Variants in ALG14 observed in about 807,000 individuals in gnomAD.
The protein encoded by ALG14 is UDP-N-acetylglucosamine transferase subunit ALG14.
ALG14 carries 17 observed loss-of-function variants against 22.8 expected under a neutral mutation model. The observed-to-expected ratio is 0.75, with a 90% confidence interval of 0.51 to 1.12. The LOEUF is 1.12. Among genes scored for constraint, ALG14 ranks in the 50% most tolerant of loss-of-function variants. The probability of loss-of-function intolerance (pLI) is 0.00; values close to 1 mark genes in which losing one functional copy is unlikely to be tolerated. For missense variants in ALG14, 288 were observed against 271.8 expected (o/e 1.06, Z -0.42); for synonymous variants, 89 against 103.7 (o/e 0.86, Z 0.86).
intron 2 of ALG14, among the ~76,000 whole-genome samples, chr1:95,035,354 A>C (rs982059937): frequency 4.1e-4 from 62 of 152,166 alleles, no homozygotes; most frequent in African/African-American, 1.4e-3. Flanking sequence ...GTATAGAAGA[A>C]AACATATTTT....
At chr1:95,027,442 C>T (rs949481490) in intron 2 of ALG14, among the ~76,000 whole-genome samples, 182 bp from the exon 3 acceptor site, 1 of 152,176 alleles carries the variant, frequency 6.6e-6, no homozygotes, top group African/African-American at 2.4e-5. Context: ...GATGGGATCA[C>T]ATATGACAAA....
At chr1:95,066,567 T>C (rs1294781144) in intron 1 of ALG14, among the ~76,000 whole-genome samples, 1 of 152,146 alleles carries the variant, frequency 6.6e-6, no homozygotes, top group African/African-American at 2.4e-5. Context: ...TCGTTCTAGA[T>C]CCCAGAAGGA....
intron 2 of ALG14, among the ~76,000 whole-genome samples, chr1:95,032,652 CTGCATCTAACAA>C (rs1164115849): frequency 6.6e-6 from 1 of 152,190 alleles, no homozygotes; most frequent in African/African-American, 2.4e-5. Context: ...GCATCCCCTT[CTGCATCTAACAA>C]TGCTTCAAAA....
chr1:94,985,621 C>T (rs2100712809), intron 3 of ALG14, among the ~76,000 whole-genome samples: 1 of 152,206 alleles, frequency 6.6e-6, no homozygotes, highest in African/African-American at 2.4e-5. Flanking sequence ...TAAAAAAATG[C>T]ACAAATCCAT....
At chr1:95,037,966 C>T (rs1674251951) in intron 2 of ALG14, among the ~76,000 whole-genome samples, 1 of 152,074 alleles carries the variant, frequency 6.6e-6, no homozygotes, top group Admixed American at 6.6e-5. Flanking sequence ...ATCAGGACAG[C>T]ACAGGAAAAG....
chr1:95,022,286 T>C, intron 3 of ALG14: 1 of 983,546 alleles, frequency 1.0e-6, no homozygotes, highest in African/African-American at 1.7e-5. Flanking sequence ...TTAAACTAAA[T>C]ACCTCATTTA....
At chr1:95,020,550 C>A (rs1360987214) in intron 3 of ALG14, among the ~76,000 whole-genome samples, 1 of 151,718 alleles carries the variant, frequency 6.6e-6, no homozygotes, top group African/African-American at 2.4e-5. Flanking sequence ...ACCAGCCTGA[C>A]CAACATGGAG....
At chr1:95,005,703 C>T (rs1273357851) in intron 3 of ALG14, among the ~76,000 whole-genome samples, 2 of 152,146 alleles carry the variant, frequency 1.3e-5, no homozygotes, top group African/African-American at 4.8e-5. Flanking sequence ...GGACCCCGTC[C>T]TCCTAGAGTT....
At chr1:94,988,534 G>A (rs1372964170) in intron 3 of ALG14, among the ~76,000 whole-genome samples, 2 of 152,158 alleles carry the variant, frequency 1.3e-5, no homozygotes, top group Non-Finnish European at 2.9e-5. Context: ...AGCATGCTGT[G>A]GGAGAGGGGA....
intron 3 of ALG14, among the ~76,000 whole-genome samples, chr1:95,015,694 C>T (rs1673479206): frequency 2.0e-5 from 3 of 152,288 alleles, no homozygotes; most frequent in African/African-American, 7.2e-5. Flanking sequence ...AATCCTGACA[C>T]ACTGTTTTTG....
At chr1:95,033,969 A>G (rs1468173331) in intron 2 of ALG14, among the ~76,000 whole-genome samples, 1 of 152,232 alleles carries the variant, frequency 6.6e-6, no homozygotes, top group East Asian at 1.9e-4. Flanking sequence ...AATGCCTTAC[A>G]GTTGCTCCCA....
chr1:95,042,657 T>G (rs1674419584), intron 2 of ALG14, among the ~76,000 whole-genome samples: 6 of 152,260 alleles, frequency 3.9e-5, no homozygotes, highest in African/African-American at 1.4e-4. Flanking sequence ...TGCTCCACTG[T>G]ACTTCTGAAA....
At chr1:94,998,009 C>G (rs1485985179) in intron 3 of ALG14, among the ~76,000 whole-genome samples, 1 of 152,032 alleles carries the variant, frequency 6.6e-6, no homozygotes. Flanking sequence ...CATTGAAGAG[C>G]CTTTTAAGGG....
chr1:95,045,240 T>C (rs1674509467), intron 2 of ALG14, among the ~76,000 whole-genome samples: 1 of 152,218 alleles, frequency 6.6e-6, no homozygotes, highest in South Asian at 2.1e-4. Context: ...TAGCATATAT[T>C]ACTTTATTTC....
chr1:95,031,589 T>C (rs897505981), intron 2 of ALG14, among the ~76,000 whole-genome samples: 1 of 152,178 alleles, frequency 6.6e-6, no homozygotes, highest in South Asian at 2.1e-4. Flanking sequence ...CCCCCCACCA[T>C]TGTAGCATAT....
intron 2 of ALG14, among the ~76,000 whole-genome samples, chr1:95,046,771 G>A (rs368545538): frequency 3.9e-5 from 6 of 152,192 alleles, no homozygotes; most frequent in African/African-American, 1.4e-4. Context: ...GATAGGAAAT[G>A]GTATAACAAT....
At chr1:94,993,995 G>A (rs1672846242) in intron 3 of ALG14, among the ~76,000 whole-genome samples, 2 of 152,178 alleles carry the variant, frequency 1.3e-5, no homozygotes, top group Non-Finnish European at 2.9e-5. Flanking sequence ...TGCCACACTA[G>A]GTTGGTATTT....
chr1:95,055,725 G>A (rs1352686463), intron 2 of ALG14, among the ~76,000 whole-genome samples: 1 of 150,952 alleles, frequency 6.6e-6, no homozygotes, highest in Non-Finnish European at 1.5e-5. Context: ...GGGTGTGGTG[G>A]CTCACACCTG....
chr1:95,062,529 T>C (rs1002437833), intron 2 of ALG14, among the ~76,000 whole-genome samples: 1 of 152,194 alleles, frequency 6.6e-6, no homozygotes, highest in Non-Finnish European at 1.5e-5. Flanking sequence ...AGCTCCTACT[T>C]ATAAGTGAAA....
Sources: allele counts gnomAD v4.1 joint callset (sites outside exome capture counted in the v4.1 genomes callset), GRCh38; gene constraint gnomAD v4.1.1; transcripts MANE v1.5; gene names NCBI Gene and HGNC (gene_info 2026-07-23, HGNC 2026-07-21).